Variants in PADI4 observed in about 807,000 individuals in gnomAD.
The protein encoded by PADI4 is protein-arginine deiminase type-4.
A neutral mutation model predicts 75.0 loss-of-function variants in PADI4; 62 were observed. The observed-to-expected ratio is 0.83, with a 90% CI of 0.67 to 1.02. The LOEUF is 1.02. PADI4 is among the 50% of genes least tolerant of loss of function. PADI4 has a pLI of 0.00. For synonymous variants in PADI4, 361 were observed against 348.1 expected (o/e 1.04, Z -0.41); for missense variants, 845 against 850.5 (o/e 0.99, Z 0.08).
At chr1:17,352,916 G>A (rs1360461391) in intron 10 of PADI4, among the ~76,000 whole-genome samples, 1 of 152,192 alleles carries the variant, frequency 6.6e-6, no homozygotes, top group East Asian at 1.9e-4. Flanking sequence ...CGACTGAAGG[G>A]GCAAGTGAGG....
At position 17,346,259 on chromosome 1, in the gene PADI4, GGAGATAGGAACCT is replaced by G; in HGVS notation, c.1047+125_1047+137del. 1.6e-6 allele frequency: 1 copy of G among 635,466 alleles called. No homozygotes were observed. The highest frequency in any genetic ancestry group is 2.8e-6 in the Non-Finnish European group (1 of 353,698). The allele number at this position is 635,466 out of a possible 1,614,324, so 39.4% of individuals were successfully genotyped here. ...CGGCCACTCTTCCTTAGATGGACAG[GGAGATAGGAACCT>G]GAGAGATCCTTGGGCCGGGAGGCTC... is the stretch of plus-strand genomic sequence containing the variant. On this transcript the variant is annotated intron_variant, in intron 9 of 15. Transcript: ENST00000375448. The surrounding 1 kb of genome is among the most constrained non-coding windows in gnomAD (Gnocchi z 4.3).
rs541232322 is a variant in PADI4 at position 17,309,773 on chromosome 1, C to G, written c.92+1459C>G. ...AGGGCCACATGGTGGAGGCAGGAGA[C>G]CAAGAAGTTGGGGAGAAAAGGAAAA... On this transcript the variant is annotated intron_variant, in intron 1 of 15. Transcript: ENST00000375448. Among the ~76,000 whole-genome samples, 39 of 152,234 alleles carry G rather than the reference C, an allele frequency of 2.6e-4. 1 individual carries two copies. In the South Asian group the frequency reaches 8.1e-3, roughly 32 times the overall value.
intron 1 of PADI4, among the ~76,000 whole-genome samples, chr1:17,320,583 G>A (rs139233486): frequency 6.8e-4 from 103 of 152,296 alleles, no homozygotes; most frequent in African/African-American, 1.4e-3. Flanking sequence ...ACTTCCAAGC[G>A]TTGCCATAGT....
intron 1 of PADI4, among the ~76,000 whole-genome samples, chr1:17,315,982 G>A (rs2073926732): frequency 6.6e-6 from 1 of 151,734 alleles, no homozygotes; most frequent in African/African-American, 2.4e-5. Context: ...TCCTCTCTCG[G>A]CCCCTATCCA....
At chr1:17,326,404 A>T (rs1032996358) in intron 1 of PADI4, among the ~76,000 whole-genome samples, 1 of 152,236 alleles carries the variant, frequency 6.6e-6, no homozygotes, top group Non-Finnish European at 1.5e-5. Flanking sequence ...ATAGTATTTT[A>T]GTTATTGCTC....
intron 2 of PADI4, among the ~76,000 whole-genome samples, chr1:17,333,134 A>G (rs1368186425): frequency 6.6e-6 from 1 of 152,184 alleles, no homozygotes; most frequent in East Asian, 1.9e-4. Context: ...GAAGGATCCC[A>G]ATGGCTGTGG....
At position 17,338,075 on chromosome 1, in the gene PADI4, T is replaced by C. The variant is rs911016190; in HGVS notation, c.446T>C (p.Ile149Thr). 3 of 1,613,738 alleles carry C rather than the reference T, an allele frequency of 1.9e-6. No homozygotes were observed. Among genetic ancestry groups the C allele is most frequent in the Non-Finnish European group, 2.5e-6 (3 of 1,179,730 alleles). ...TGGGGCCCTTGTGGACAGGGTGCCA[T>C]CCTGCTGGTGAACTGTGACAGAGAC... ...WTWGPCGQGA[I>T]LLVNCDRDNL... Residue 149 changes from isoleucine to threonine, a missense_variant, in exon 5 of 16, where the codon ATC becomes ACC. Transcript: ENST00000375448.
At chr1:17,331,258 C>A in intron 2 of PADI4, 109 bp downstream of exon 2, 1 of 920,028 alleles carries the variant, frequency 1.1e-6, no homozygotes, top group Non-Finnish European at 1.6e-6. Flanking sequence ...GCCTCTTGCC[C>A]TGTGGAAGAG....
intron 1 of PADI4, among the ~76,000 whole-genome samples, chr1:17,315,284 G>A (rs763199022): frequency 2.6e-5 from 4 of 152,196 alleles, no homozygotes; most frequent in Non-Finnish European, 4.4e-5. Flanking sequence ...AACGAATGAA[G>A]GAATGAGTGT....
At chr1:17,342,685 C>T (rs1218996309) in intron 8 of PADI4, among the ~76,000 whole-genome samples, 1 of 152,104 alleles carries the variant, frequency 6.6e-6, no homozygotes, top group Non-Finnish European at 1.5e-5. Flanking sequence ...TTAAAATGCA[C>T]CTTTCTGGGC....
At chr1:17,311,888 C>T (rs1329811841) in intron 1 of PADI4, among the ~76,000 whole-genome samples, 1 of 152,172 alleles carries the variant, frequency 6.6e-6, no homozygotes, top group Non-Finnish European at 1.5e-5. Flanking sequence ...CTGTTTGTCT[C>T]TCTGAGCCTC....
intron 1 of PADI4, among the ~76,000 whole-genome samples, chr1:17,317,716 G>A (rs1257089129): frequency 6.6e-6 from 1 of 152,136 alleles, no homozygotes; most frequent in Non-Finnish European, 1.5e-5. Flanking sequence ...AGCATCTGGA[G>A]AGCGTGTTAA....
At chr1:17,334,441 T>C in intron 3 of PADI4, 1 of 456,528 alleles carries the variant, frequency 2.2e-6, no homozygotes, top group Non-Finnish European at 4.5e-6. Context: ...TAGCTGGGAC[T>C]ACAGGCGCTT....
At chr1:17,341,831 T>TGATG in intron 6 of PADI4, 112 bp from the exon 7 acceptor site, 1 of 753,274 alleles carries the variant, frequency 1.3e-6, no homozygotes, top group Non-Finnish European at 2.2e-6. Flanking sequence ...AGGGGTTCTC[T>TGATG]GATGGTGCCA....
intron 4 of PADI4, among the ~76,000 whole-genome samples, chr1:17,336,859 G>A (rs998468829): frequency 2.6e-5 from 4 of 152,160 alleles, no homozygotes; most frequent in Admixed American, 2.6e-4. Context: ...ACAACTCTAG[G>A]AGTAGAATCT....
intron 1 of PADI4, among the ~76,000 whole-genome samples, chr1:17,322,792 C>T (rs2074053516): frequency 1.3e-5 from 2 of 151,186 alleles, no homozygotes; most frequent in Admixed American, 6.6e-5. Context: ...TGTCTTCTTC[C>T]CTCCCTTCCT....
intron 1 of PADI4, among the ~76,000 whole-genome samples, chr1:17,315,357 T>C (rs1466960715): frequency 2.6e-5 from 4 of 152,140 alleles, no homozygotes; most frequent in African/African-American, 9.7e-5. Context: ...GTTGAGTGAA[T>C]GAAAGAAAGT....
intron 10 of PADI4, among the ~76,000 whole-genome samples, chr1:17,348,370 G>A (rs12731347): frequency 0.079 from 12,099 of 152,196 alleles, 631 homozygotes; most frequent in African/African-American, 0.15. Context: ...AGGTGGGGCC[G>A]GGGCTGGAAT....
intron 6 of PADI4, among the ~76,000 whole-genome samples, chr1:17,341,042 C>T (rs1398582429): frequency 1.3e-5 from 2 of 151,204 alleles, no homozygotes; most frequent in African/African-American, 4.9e-5. Context: ...CTCAAATGAT[C>T]CACTTGCCTC....
Sources: gnomAD v4.1 joint callset for allele counts (sites outside exome capture counted in the v4.1 genomes callset) on GRCh38, gnomAD v4.1.1 for gene constraint, Gnocchi (gnomAD v3.1) non-coding constraint, MANE v1.5 for transcripts, NCBI Gene and HGNC (gene_info 2026-07-23, HGNC 2026-07-21) for gene names.